The following SLF1 variants were observed in gnomAD, a reference collection of about 807,000 sequenced individuals.
The protein encoded by SLF1 is SMC5/6 complex localization factor 1.
SLF1 carries 105 observed loss-of-function variants against 123.0 expected under a neutral mutation model. The observed-to-expected ratio is 0.85, with a 90% CI of 0.73 to 1.00. SLF1 has a LOEUF of 1.00. Among genes scored for constraint, SLF1 ranks in the 50% least tolerant of loss-of-function variants. SLF1 has a pLI of 0.00. For missense variants in SLF1, 1,239 were observed against 1,223.0 expected, an observed-to-expected ratio of 1.01 and a Z score of -0.20; for synonymous variants, 434 against 406.6, an observed-to-expected ratio of 1.07 and a Z score of -0.81.
intron 1 of SLF1, among the ~76,000 whole-genome samples, chr5:94,627,077 TA>T (rs1192008268): frequency 6.6e-6 from 1 of 152,224 alleles, no homozygotes; most frequent in African/African-American, 2.4e-5. Context: ...TACATGTCTT[TA>T]AAAATAGACT....
chr5:94,637,600 G>A (rs1745960500), intron 4 of SLF1, among the ~76,000 whole-genome samples: 2 of 152,060 alleles, frequency 1.3e-5, no homozygotes, highest in African/African-American at 2.4e-5. Flanking sequence ...ATTACAACTG[G>A]GGTTTGCCTC....
At chr5:94,675,421 G>A (rs1411777473) in intron 14 of SLF1, among the ~76,000 whole-genome samples, 1 of 152,090 alleles carries the variant, frequency 6.6e-6, no homozygotes, top group African/African-American at 2.4e-5. Context: ...TTCCAAGAAA[G>A]CTGTTTTCCT....
At chr5:94,661,058 T>A (rs2132548) in intron 9 of SLF1, among the ~76,000 whole-genome samples, 1 of 151,916 alleles carries the variant, frequency 6.6e-6, no homozygotes, top group East Asian at 1.9e-4. Flanking sequence ...CAGAGCAGGA[T>A]GTAGTCTGGT....
chr5:94,623,693 A>G (rs1032476125), intron 1 of SLF1, among the ~76,000 whole-genome samples: 7 of 152,054 alleles, frequency 4.6e-5, no homozygotes, highest in Admixed American at 4.6e-4. Flanking sequence ...TATCACTTAC[A>G]CTAAACTTGA....
chr5:94,645,489 G>A (rs1445365118), intron 5 of SLF1, among the ~76,000 whole-genome samples: 1 of 152,206 alleles, frequency 6.6e-6, no homozygotes, highest in African/African-American at 2.4e-5. Flanking sequence ...CTGATAGACC[G>A]CTCGGAATAG....
In SLF1 at chr5:94,620,789, C is replaced by A. The variant is rs148737614; in HGVS notation, c.-1+2024C>A. On this transcript the variant is annotated intron_variant, in intron 1 of 20. Transcript: ENST00000265140. The stretch of plus-strand genomic sequence containing the variant: ...TGTACTGTTTTTCACCTTATAAGGG[C>A]ATGTTACTGCTTAAAAGTAAAATAA... Among the ~76,000 whole-genome samples, 1,199 of 152,190 alleles carry A rather than the reference C, an allele frequency of 7.9e-3. 10 individuals carry two copies. Among genetic ancestry groups the A allele is most frequent in the Middle Eastern group, 0.01 (3 of 294 alleles).
intron 15 of SLF1, 139 bp downstream of exon 15, chr5:94,679,094 T>C (rs1751453893): frequency 2.2e-6 from 2 of 900,738 alleles, no homozygotes; most frequent in Non-Finnish European, 1.7e-6. Context: ...CACACATAGA[T>C]TCACACACAC....
chr5:94,679,219 T>A (rs1209038652), intron 15 of SLF1, among the ~76,000 whole-genome samples: 1 of 152,216 alleles, frequency 6.6e-6, no homozygotes. Flanking sequence ...GTTGAGTTCA[T>A]ACTATATATG....
rs1339759645 is a variant in SLF1 at position 94,681,670 on chromosome 5, CCA to C, written c.1975+2716_1975+2717del. On this transcript the variant is annotated intron_variant, in intron 15 of 20. Transcript: ENST00000265140. Reference sequence around the variant, plus strand: ...CCCTCCCCCCAACCCACAACAGTCCCCAGAGTGTGATGTTCCCCTTCCTGTGT... The same window carrying C: ...CCCTCCCCCCAACCCACAACAGTCCCGAGTGTGATGTTCCCCTTCCTGTGT... Among the ~76,000 whole-genome samples the C allele has an allele frequency of 3.3e-5, 5 of 150,180 alleles. No homozygotes were observed. In the East Asian group the frequency reaches 7.9e-4, roughly 24 times the overall value.
At chr5:94,640,723 T>C (rs1258048962) in intron 4 of SLF1, among the ~76,000 whole-genome samples, 1 of 152,182 alleles carries the variant, frequency 6.6e-6, no homozygotes, top group Non-Finnish European at 1.5e-5. Context: ...TAAAATTCAG[T>C]GATTCCTTTT....
chr5:94,690,673 T>C (rs1017560033), intron 18 of SLF1, among the ~76,000 whole-genome samples: 1 of 152,150 alleles, frequency 6.6e-6, no homozygotes, highest in African/African-American at 2.4e-5. Flanking sequence ...ACTTAGTATT[T>C]TATAGTAAGA....
intron 5 of SLF1, among the ~76,000 whole-genome samples, chr5:94,644,604 GA>G (rs773601319): frequency 6.6e-6 from 1 of 152,120 alleles, no homozygotes; most frequent in East Asian, 1.9e-4. Context: ...TTCTCCTTCT[GA>G]AAAGTTATTC....
chr5:94,627,100 A>G (rs1744518126), intron 1 of SLF1, among the ~76,000 whole-genome samples: 1 of 152,210 alleles, frequency 6.6e-6, no homozygotes, highest in African/African-American at 2.4e-5. Context: ...TCTGTGAAGA[A>G]CATTTCTCAC....
At chr5:94,632,418 G>A (rs1190771953) in intron 4 of SLF1, among the ~76,000 whole-genome samples, 1 of 152,130 alleles carries the variant, frequency 6.6e-6, no homozygotes, top group East Asian at 1.9e-4. Flanking sequence ...GTCAATTTCT[G>A]TGAAAATGCA....
At chr5:94,680,708 T>C (rs1751662621) in intron 15 of SLF1, among the ~76,000 whole-genome samples, 1 of 152,242 alleles carries the variant, frequency 6.6e-6, no homozygotes, top group African/African-American at 2.4e-5. Flanking sequence ...TAATGAGCCT[T>C]GTATTAAAAG....
intron 4 of SLF1, among the ~76,000 whole-genome samples, chr5:94,631,422 A>C (rs1745185563): frequency 6.6e-6 from 1 of 152,166 alleles, no homozygotes; most frequent in African/African-American, 2.4e-5. Context: ...GTTCTGTACC[A>C]CCAACACCAG....
chr5:94,635,505 C>T (rs985459685), intron 4 of SLF1, among the ~76,000 whole-genome samples: 2 of 151,026 alleles, frequency 1.3e-5, no homozygotes, highest in Non-Finnish European at 3.0e-5. Context: ...TACTGTGTTT[C>T]TTTCTTCCTA....
At chr5:94,676,763 C>A (rs1751116865) in intron 14 of SLF1, among the ~76,000 whole-genome samples, 1 of 152,226 alleles carries the variant, frequency 6.6e-6, no homozygotes, top group Non-Finnish European at 1.5e-5. Flanking sequence ...AAACACTGTT[C>A]TGGCAAGCTG....
At chr5:94,687,761 A>G (rs1255272054) in intron 16 of SLF1, among the ~76,000 whole-genome samples, 1 of 152,154 alleles carries the variant, frequency 6.6e-6, no homozygotes, top group Non-Finnish European at 1.5e-5. Flanking sequence ...ATTACTTTTG[A>G]GCGTAGCCAA....
Sources: allele counts gnomAD v4.1 joint callset (sites outside exome capture counted in the v4.1 genomes callset), GRCh38; gene constraint gnomAD v4.1.1; transcripts MANE v1.5; gene names NCBI Gene and HGNC (gene_info 2026-07-23, HGNC 2026-07-21).